The following IKBKB variants were observed in gnomAD, a reference collection of about 807,000 sequenced individuals.
The protein encoded by IKBKB is inhibitor of nuclear factor kappa-B kinase subunit beta.
IKBKB carries 42 observed loss-of-function variants against 113.6 expected under a neutral mutation model. The observed-to-expected ratio is 0.37, with a 90% CI of 0.29 to 0.48. The LOEUF (loss-of-function observed/expected upper bound fraction) is 0.48. Ranked by LOEUF, IKBKB falls within the 20% of genes least tolerant of loss-of-function variation. IKBKB has a pLI of 0.99. For synonymous variants in IKBKB, 296 were observed against 361.3 expected, an observed-to-expected ratio of 0.82 and a Z score of 2.05; for missense variants, 673 against 939.7, an observed-to-expected ratio of 0.72 and a Z score of 3.71.
At chr8:42,297,566 A>C (rs752812105) in intron 5 of IKBKB, among the ~76,000 whole-genome samples, 1 of 152,184 alleles carries the variant, frequency 6.6e-6, no homozygotes, top group Middle Eastern at 3.2e-3. Context: ...CTGAATTTCA[A>C]ATTGCCCAAG....
chr8:42,316,071 T>C lies in IKBKB; in HGVS notation c.801-139T>C. 1 of 851,630 alleles carries C rather than the reference T, an allele frequency of 1.2e-6. No homozygotes were observed. Among genetic ancestry groups the C allele is most frequent in the South Asian group, 1.8e-5 (1 of 56,664 alleles). The allele number at this position is 851,630 out of a possible 1,614,324, so 52.8% of individuals were successfully genotyped here. On this transcript the variant is annotated intron_variant, in intron 9 of 21. Coordinates refer to ENST00000520810, the MANE Select transcript of IKBKB (RefSeq NM_001556.3). The surrounding 1 kb of genome is among the most constrained non-coding windows in gnomAD (Gnocchi z 4.5). ...ACACCTGAATAATTGATTGGAAATG[T>C]TTATACTGTTTCTGATAAACCCATT...
At chr8:42,281,137 C>T (rs1315552201) in intron 2 of IKBKB, among the ~76,000 whole-genome samples, 8 of 152,062 alleles carry the variant, frequency 5.3e-5, no homozygotes, top group South Asian at 2.1e-4. Flanking sequence ...GTTCCCTGTC[C>T]GCATGATCTC....
At position 42,297,894 on chromosome 8, in the gene IKBKB, C is replaced by CA. The variant is rs909717728; in HGVS notation, c.388+4392dup. 4.5e-4 allele frequency among the ~76,000 whole-genome samples: 66 copies of CA among 145,588 alleles called. 1 individual carries two copies. The highest frequency in any genetic ancestry group is 6.8e-4 in the African/African-American group (27 of 39,668). On this transcript the variant is annotated intron_variant, in intron 5 of 21. Transcript: ENST00000520810. ...TGGCAACAAGAGCGAGACTCTGTCT[C>CA]AAAAAAAAAAGAAAAAAGAATGAGC...
intron 5 of IKBKB, chr8:42,298,238 G>C (rs890898670): frequency 2.0e-6 from 2 of 985,324 alleles, no homozygotes; most frequent in African/African-American, 3.5e-5. Flanking sequence ...TGGCTCTGCT[G>C]GGCGGGCCTG....
intron 7 of IKBKB, among the ~76,000 whole-genome samples, chr8:42,308,268 CT>C (rs75642735): frequency 0.76 from 107,846 of 142,384 alleles, 44,584 homozygotes; most frequent in Non-Finnish European, 0.92. Context: ...TGCTGCAACC[CT>C]TTTTTTTTTT....
chr8:42,311,566 A>AG (rs1817694057), intron 8 of IKBKB, among the ~76,000 whole-genome samples: 2 of 149,934 alleles, frequency 1.3e-5, no homozygotes, highest in African/African-American at 2.5e-5. Flanking sequence ...ATCTTACCAA[A>AG]AAAAAAAAAA....
At chr8:42,291,217 T>C (rs1812561489) in intron 4 of IKBKB, among the ~76,000 whole-genome samples, 1 of 152,190 alleles carries the variant, frequency 6.6e-6, no homozygotes, top group South Asian at 2.1e-4. Flanking sequence ...AGTCTCGCTG[T>C]ATTGCCCAGG....
intron 2 of IKBKB, among the ~76,000 whole-genome samples, chr8:42,285,389 A>G (rs1003494525): frequency 5.8e-5 from 6 of 103,422 alleles, no homozygotes. Flanking sequence ...CTACAAAAAT[A>G]AAATAAAAAT....
intron 4 of IKBKB, among the ~76,000 whole-genome samples, chr8:42,291,185 T>C (rs943700603): frequency 3.9e-5 from 6 of 151,992 alleles, no homozygotes; most frequent in African/African-American, 1.4e-4. Flanking sequence ...CTGAACAAAA[T>C]AATTTTTTTT....
intron 9 of IKBKB, among the ~76,000 whole-genome samples, chr8:42,315,923 C>A (rs66485991): frequency 7.7e-3 from 1 of 130 alleles, no homozygotes; most frequent in African/African-American, 0.022. Flanking sequence ...TTGGCCTCCC[C>A]AAAGTGTGGG....
rs189871853 is a variant in IKBKB at position 42,308,771 on chromosome 8, C to T, written c.568-130C>T. On this transcript the variant is annotated intron_variant, in intron 7 of 21. Transcript: ENST00000520810. Reference sequence around the variant, plus strand: ...CTAAACATGCCTGGGGTGCCCTCCTCGCCCTGCATGCATGTGCCAGTGCCC... The same window carrying T: ...CTAAACATGCCTGGGGTGCCCTCCTTGCCCTGCATGCATGTGCCAGTGCCC... The T allele has an allele frequency of 3.1e-5, 25 of 807,448 alleles. No homozygotes were observed. The East Asian group carries it at 3.7e-4, about 12-fold the overall frequency. 50.0% of individuals were successfully genotyped at this position (807,448 alleles called of 1,614,324 possible).
intron 6 of IKBKB, 24 bp from the exon 7 acceptor site, chr8:42,306,319 G>T: frequency 7.0e-7 from 1 of 1,438,350 alleles, no homozygotes; most frequent in Non-Finnish European, 9.8e-7. Context: ...ATAACCCTCA[G>T]CTTTCTCCTT....
At chr8:42,308,248 G>A (rs1563339393) in intron 7 of IKBKB, among the ~76,000 whole-genome samples, 3 of 149,838 alleles carry the variant, frequency 2.0e-5, no homozygotes, top group African/African-American at 7.4e-5. Flanking sequence ...TTTTCAATAA[G>A]CGCCTGAAAT....
intron 19 of IKBKB, chr8:42,325,729 G>A: frequency 7.7e-7 from 1 of 1,295,908 alleles, no homozygotes; most frequent in Non-Finnish European, 9.8e-7. Flanking sequence ...AATTAATGTA[G>A]GCACCCAGGT....
intron 2 of IKBKB, among the ~76,000 whole-genome samples, chr8:42,285,555 T>C (rs865790931): frequency 2.0e-5 from 3 of 152,228 alleles, no homozygotes; most frequent in South Asian, 4.2e-4. Context: ...ACCCTGTCTC[T>C]AAAAAGAAAA....
At position 42,278,282 on chromosome 8, in the gene IKBKB, G is replaced by A. The variant is rs532063980; in HGVS notation, c.105+6077G>A. Among the ~76,000 whole-genome samples, 25 of 152,316 alleles carry A rather than the reference G, an allele frequency of 1.6e-4. No homozygotes were observed. In the East Asian group the frequency reaches 4.6e-3, roughly 28 times the overall value. ...AGGGAGGATGGGGCACAAGTGCCTG[G>A]GTGGCTGAGGGTGGACGGTGCAAGT... On this transcript the variant is annotated intron_variant, in intron 2 of 21. Coordinates refer to ENST00000520810, the MANE Select transcript of IKBKB (RefSeq NM_001556.3).
chr8:42,329,309 A>C, intron 21 of IKBKB, 95 bp downstream of exon 21: 1 of 1,434,890 alleles, frequency 7.0e-7, no homozygotes, highest in Non-Finnish European at 9.2e-7. Flanking sequence ...ATTATCCTCA[A>C]CCTCAGTGTT....
chr8:42,309,091 T>A, intron 8 of IKBKB, 66 bp downstream of exon 8: 1 of 1,524,784 alleles, frequency 6.6e-7, no homozygotes, highest in African/African-American at 1.4e-5. Context: ...TCACGTACCC[T>A]GTTTCCCTGG....
chr8:42,314,147 G>T, intron 8 of IKBKB, 175 bp from the exon 9 acceptor site: 1 of 621,810 alleles, frequency 1.6e-6, no homozygotes, highest in East Asian at 2.8e-5. Context: ...TGCTGTACAG[G>T]TTTGTAGCCT....
Sources: allele counts gnomAD v4.1 joint callset (sites outside exome capture counted in the v4.1 genomes callset), GRCh38; gene constraint gnomAD v4.1.1; non-coding constraint Gnocchi (gnomAD v3.1); transcripts MANE v1.5; gene names NCBI Gene and HGNC (gene_info 2026-07-23, HGNC 2026-07-21).